The following PRKCB variants were observed in gnomAD, a reference collection of about 807,000 sequenced individuals.
PRKCB encodes the protein protein kinase C beta.
Under a neutral mutation model 81.5 loss-of-function variants are expected in PRKCB, and 13 were observed. The observed-to-expected ratio is 0.16, with a 90% CI of 0.10 to 0.25. The LOEUF (loss-of-function observed/expected upper bound fraction) is 0.25. Ranked by LOEUF, PRKCB falls within the 10% of genes least tolerant of loss-of-function variation. PRKCB has a pLI of 1.00. For missense variants in PRKCB, 509 were observed against 875.7 expected (o/e 0.58, Z 5.29); for synonymous variants, 335 against 321.4 (o/e 1.04, Z -0.45).
In PRKCB at chr16:24,219,695, CACACACA is replaced by C; in HGVS notation, c.*4880_*4886del. 1 of 1,292,774 alleles carries C rather than the reference CACACACA, an allele frequency of 7.7e-7. No individual in the cohort carries two copies. Among genetic ancestry groups the C allele is most frequent in the Non-Finnish European group, 9.9e-7 (1 of 1,015,178 alleles). 80.1% of individuals were successfully genotyped at this position (1,292,774 alleles called of 1,614,324 possible). A position where few individuals can be genotyped will look rare whatever the true frequency, so the allele number is the denominator to read the frequency against. On this transcript the variant is annotated 3_prime_UTR_variant, in exon 17 of 17. Transcript: ENST00000643927. ...ACACACACACACACACACACACACA[CACACACA>C]CCACTTTATGGCAATTCTTAACTGA...
intron 2 of PRKCB, among the ~76,000 whole-genome samples, chr16:23,862,944 G>A (rs1372359217): frequency 7.4e-6 from 1 of 134,266 alleles, no homozygotes; most frequent in African/African-American, 4.0e-5. Flanking sequence ...TGAGAACAAA[G>A]GCATTCCTAA....
intron 2 of PRKCB, among the ~76,000 whole-genome samples, chr16:23,901,782 T>C (rs1359160584): frequency 1.3e-5 from 2 of 152,042 alleles, no homozygotes; most frequent in Non-Finnish European, 2.9e-5. Flanking sequence ...ATTCGAGTGG[T>C]CAAGAAGACA....
At chr16:24,135,727 T>G (rs1037086005) in intron 9 of PRKCB, among the ~76,000 whole-genome samples, 1 of 152,170 alleles carries the variant, frequency 6.6e-6, no homozygotes, top group Admixed American at 6.5e-5. Context: ...TTCTCTAAAG[T>G]CTGAGCTTCT....
At chr16:24,063,955 C>T (rs1484418916) in intron 5 of PRKCB, among the ~76,000 whole-genome samples, 1 of 152,190 alleles carries the variant, frequency 6.6e-6, no homozygotes, top group Non-Finnish European at 1.5e-5. Flanking sequence ...GAGTTTCAAA[C>T]TGACTGACAT....
Position 24,215,879 on chromosome 16 carries a change from T to C in PRKCB, c.*1063T>C. ...AAGACACCGTTTCTTGAAACAAAGA[T>C]GGTTGTATTCCTCACTTTGATGTTG... On this transcript the variant is annotated 3_prime_UTR_variant, in exon 17 of 17. Coordinates refer to ENST00000643927, the MANE Select transcript of PRKCB (RefSeq NM_002738.7). The C allele has an allele frequency of 1.0e-6, 1 of 985,208 alleles. No homozygotes were observed. The highest frequency in any genetic ancestry group is 1.2e-6 in the Non-Finnish European group (1 of 829,848). The allele number at this position is 985,208 out of a possible 1,614,324, so 61.0% of individuals were successfully genotyped here.
intron 10 of PRKCB, among the ~76,000 whole-genome samples, chr16:24,163,422 A>G (rs1255621238): frequency 6.6e-6 from 1 of 152,196 alleles, no homozygotes; most frequent in Non-Finnish European, 1.5e-5. Flanking sequence ...AATGCAACCC[A>G]GGCAAATAGA....
chr16:24,200,640 C>G (rs1264638750), intron 16 of PRKCB, among the ~76,000 whole-genome samples: 6 of 152,160 alleles, frequency 3.9e-5, no homozygotes, highest in Non-Finnish European at 8.8e-5. Flanking sequence ...CATCCCATGG[C>G]AGAAGGTGAA....
At chr16:24,023,754 T>C (rs1965439559) in intron 3 of PRKCB, among the ~76,000 whole-genome samples, 1 of 152,096 alleles carries the variant, frequency 6.6e-6, no homozygotes, top group South Asian at 2.1e-4. Context: ...GATGGGTAAA[T>C]AGCCACTGGG....
intron 10 of PRKCB, among the ~76,000 whole-genome samples, chr16:24,157,123 T>G (rs766756154): frequency 6.6e-6 from 1 of 152,134 alleles, no homozygotes; most frequent in Non-Finnish European, 1.5e-5. Context: ...TTTCTGGAAT[T>G]AGAGAGTAGG....
At chr16:23,919,817 T>C (rs976653660) in intron 2 of PRKCB, among the ~76,000 whole-genome samples, 4 of 152,240 alleles carry the variant, frequency 2.6e-5, no homozygotes, top group African/African-American at 9.6e-5. Flanking sequence ...ATCCACATTG[T>C]TGCGTGTGTC....
chr16:24,134,903 C>T (rs1254081472), intron 9 of PRKCB, among the ~76,000 whole-genome samples: 1 of 152,018 alleles, frequency 6.6e-6, no homozygotes, highest in Non-Finnish European at 1.5e-5. Flanking sequence ...AGAGGGACAC[C>T]CTGTCTCTTA....
chr16:24,048,734 G>A (rs1222433319), intron 5 of PRKCB, among the ~76,000 whole-genome samples: 1 of 151,810 alleles, frequency 6.6e-6, no homozygotes, highest in Non-Finnish European at 1.5e-5. Context: ...TGCCCACCTC[G>A]GCCCCCCAAA....
intron 8 of PRKCB, among the ~76,000 whole-genome samples, chr16:24,123,166 C>T (rs549487066): frequency 2.0e-5 from 3 of 152,242 alleles, no homozygotes; most frequent in South Asian, 2.1e-4. Context: ...CAGAGAGAAT[C>T]GATGAGGGCT....
chr16:24,073,828 C>CTT (rs1966145083), intron 5 of PRKCB, among the ~76,000 whole-genome samples: 1 of 151,210 alleles, frequency 6.6e-6, no homozygotes, highest in South Asian at 2.2e-4. Flanking sequence ...CTGATGATAG[C>CTT]TTTTGCTTGT....
chr16:24,172,072 T>C lies in PRKCB; in HGVS notation c.1240-198T>C, dbSNP rs189219028. 1.4e-5 allele frequency: 7 copies of C among 503,618 alleles called. No individual in the cohort carries two copies. The East Asian group carries it at 2.2e-4, about 16-fold the overall frequency. The allele number at this position is 503,618 out of a possible 1,614,324, so 31.2% of individuals were successfully genotyped here. On this transcript the variant is annotated intron_variant, in intron 10 of 16. Transcript: ENST00000643927. Reference sequence around the variant, plus strand: ...TTGTAATTATTAATGAAAAAAATTATCTGTGTATCACCTATGCTCACTTGC... The same window carrying C: ...TTGTAATTATTAATGAAAAAAATTACCTGTGTATCACCTATGCTCACTTGC...
intron 2 of PRKCB, among the ~76,000 whole-genome samples, chr16:23,971,575 G>C (rs543823317): frequency 6.6e-6 from 1 of 152,156 alleles, no homozygotes; most frequent in Non-Finnish European, 1.5e-5. Context: ...TGGGAGGAGA[G>C]AGAGTTTGGG....
intron 2 of PRKCB, among the ~76,000 whole-genome samples, chr16:23,925,588 T>A (rs1963885634): frequency 6.6e-6 from 1 of 152,112 alleles, no homozygotes; most frequent in South Asian, 2.1e-4. Flanking sequence ...GAGGTCATCC[T>A]GTCTCTCTTC....
At position 24,007,309 on chromosome 16, in the gene PRKCB, TG is replaced by T. The variant is rs1965138980; in HGVS notation, c.288+18720del. Among the ~76,000 whole-genome samples the T allele has an allele frequency of 2.0e-5, 3 of 152,350 alleles. No individual in the cohort carries two copies. In the South Asian group the frequency reaches 6.2e-4, roughly 32 times the overall value. Reference sequence around the variant, plus strand: ...CAAATGATCCTTTCAAGTCTTAGATTGTGCATTTCAAAAGTCCATCCTTATT... The same window carrying T: ...CAAATGATCCTTTCAAGTCTTAGATTTGCATTTCAAAAGTCCATCCTTATT... On this transcript the variant is annotated intron_variant, in intron 3 of 16. Coordinates refer to ENST00000643927, the MANE Select transcript of PRKCB (RefSeq NM_002738.7).
chr16:24,174,455 G>C, intron 11 of PRKCB, 63 bp from the exon 12 acceptor site: 1 of 1,423,546 alleles, frequency 7.0e-7, no homozygotes. Flanking sequence ...TGAATTCTGA[G>C]CATTGCCAAG....
Sources: allele counts gnomAD v4.1 joint callset (sites outside exome capture counted in the v4.1 genomes callset), GRCh38; gene constraint gnomAD v4.1.1; transcripts MANE v1.5; gene names NCBI Gene and HGNC (gene_info 2026-07-23, HGNC 2026-07-21).